The following N4BP2 variants were observed in gnomAD, a reference collection of about 807,000 sequenced individuals.
N4BP2 encodes the protein NEDD4-binding protein 2.
In N4BP2, 91 loss-of-function variants were observed where a neutral mutation model predicts 152.8. The observed-to-expected ratio is 0.60, with a 90% confidence interval of 0.50 to 0.71. The LOEUF is 0.71. N4BP2 is among the 30% of genes least tolerant of loss of function. The pLI is 0.00. For synonymous variants in N4BP2, 646 were observed against 705.3 expected (o/e 0.92, Z 1.33); for missense variants, 1,923 against 2,059.1 (o/e 0.93, Z 1.28).
chr4:40,093,068 G>A (rs980159789), intron 2 of N4BP2, among the ~76,000 whole-genome samples: 4 of 150,366 alleles, frequency 2.7e-5, no homozygotes, highest in Admixed American at 6.6e-5. Context: ...CTCAGTCTCC[G>A]GAGCAGCTAG....
intron 13 of N4BP2, among the ~76,000 whole-genome samples, chr4:40,134,887 CCCTT>C (rs1282183760): frequency 1.6e-4 from 19 of 119,788 alleles, no homozygotes; most frequent in Middle Eastern, 4.1e-3. Flanking sequence ...CTTCCTTCCT[CCCTT>C]CCTTCCTTCC....
At chr4:40,137,845 T>TG (rs1029740796) in intron 14 of N4BP2, among the ~76,000 whole-genome samples, 1 of 152,198 alleles carries the variant, frequency 6.6e-6, no homozygotes, top group Non-Finnish European at 1.5e-5. Context: ...CAGCAGGCTC[T>TG]GGGGCATAGG....
At chr4:40,131,224 C>G (rs188727498) in intron 12 of N4BP2, among the ~76,000 whole-genome samples, 262 of 152,278 alleles carry the variant, frequency 1.7e-3, no homozygotes, top group African/African-American at 5.9e-3. Context: ...AAAAGCTGTA[C>G]TTCTGAGCAA....
intron 2 of N4BP2, among the ~76,000 whole-genome samples, chr4:40,075,363 C>T (rs542807018): frequency 6.6e-6 from 1 of 152,242 alleles, no homozygotes; most frequent in South Asian, 2.1e-4. Flanking sequence ...AACAACATGT[C>T]TCAGAGGTCT....
Position 40,102,937 on chromosome 4 carries a change from T to G in N4BP2, c.1092T>G (p.Asn364Lys), listed in dbSNP as rs1715842727. ...LPPPPPPPMW[N>K]PMIPAFDLFQ... ...CTCCGCCACCTCCACCGATGTGGAATCCAATGATTCCTGCTTTTGACCTCT... is the reference window on the plus strand; with the variant it reads ...CTCCGCCACCTCCACCGATGTGGAAGCCAATGATTCCTGCTTTTGACCTCT... The change falls in exon 4 of 18, where the codon AAT becomes AAG. Residue 364 changes from asparagine to lysine, a missense_variant. Asn to Lys is a moderately conservative substitution (Grantham distance 94, BLOSUM62 0). Transcript: ENST00000261435. The G allele has an allele frequency of 6.2e-7, 1 of 1,614,106 alleles. No individual in the cohort carries two copies. The highest frequency in any genetic ancestry group is 1.3e-5 in the African/African-American group (1 of 74,924).
chr4:40,082,065 T>C (rs1215683116), intron 2 of N4BP2, among the ~76,000 whole-genome samples: 1 of 152,080 alleles, frequency 6.6e-6, no homozygotes, highest in African/African-American at 2.4e-5. Flanking sequence ...TGAGCCAAGG[T>C]TGCGCCATTG....
intron 2 of N4BP2, among the ~76,000 whole-genome samples, chr4:40,091,486 C>G (rs1007003301): frequency 6.6e-6 from 1 of 151,010 alleles, no homozygotes; most frequent in Non-Finnish European, 1.5e-5. Context: ...TCATTATTTT[C>G]TGCATTGATT....
At chr4:40,185,629 G>A in the N4BP2 span, among the ~76,000 whole-genome samples, 2 of 151,962 alleles carry the variant, frequency 1.3e-5, no homozygotes, top group Non-Finnish European at 2.9e-5. Context: ...CATTTTAATA[G>A]AAATTTTACT....
chr4:40,153,562 A>G (rs1055150036), intron 17 of N4BP2, among the ~76,000 whole-genome samples: 9 of 152,186 alleles, frequency 5.9e-5, no homozygotes, highest in African/African-American at 1.9e-4. Context: ...CTGTTGATGG[A>G]TAGATTTCCT....
At chr4:40,060,545 G>A (rs926957712) in intron 1 of N4BP2, among the ~76,000 whole-genome samples, 8 of 151,538 alleles carry the variant, frequency 5.3e-5, no homozygotes, top group South Asian at 2.1e-4. Flanking sequence ...GTGCCCGGCC[G>A]CACATACTTT....
At chr4:40,088,303 G>A (rs995491688) in intron 2 of N4BP2, among the ~76,000 whole-genome samples, 1 of 152,076 alleles carries the variant, frequency 6.6e-6, no homozygotes, top group Non-Finnish European at 1.5e-5. Context: ...ATGCCCAGAA[G>A]TGCAATTGCT....
rs189660051 is a variant in N4BP2, at chr4:40,107,160, C to T, written c.1498+136C>T. The T allele has an allele frequency of 1.7e-4, 139 of 821,898 alleles. No homozygotes were observed. The Middle Eastern group carries it at 1.9e-3, about 11-fold the overall frequency. The allele number at this position is 821,898 out of a possible 1,614,324, so 50.9% of individuals were successfully genotyped here. A position where few individuals can be genotyped will look rare whatever the true frequency, so the allele number is the denominator to read the frequency against. On this transcript the variant is annotated intron_variant, in intron 5 of 17. Transcript: ENST00000261435. ...TGTTGCACAGGCTAGAGTGCAGTGG[C>T]ATGATCTTGGCTCACTGCAGCCTTG...
chr4:40,092,116 A>G (rs1188846411), intron 2 of N4BP2, among the ~76,000 whole-genome samples: 1 of 129,058 alleles, frequency 7.7e-6, no homozygotes, highest in East Asian at 2.6e-4. Context: ...ATTGGTCTGT[A>G]GTTTTTTTGT....
intron 1 of N4BP2, among the ~76,000 whole-genome samples, chr4:40,071,850 G>A (rs1712219347): frequency 6.6e-6 from 1 of 152,106 alleles, no homozygotes; most frequent in South Asian, 2.1e-4. Context: ...ATAGGTGTGA[G>A]CCACTGCCCC....
chr4:40,068,716 T>C (rs1560568807), intron 1 of N4BP2, among the ~76,000 whole-genome samples: 1 of 152,160 alleles, frequency 6.6e-6, no homozygotes, highest in Non-Finnish European at 1.5e-5. Context: ...TTACTGTAGC[T>C]CTGTAATGTA....
At chr4:40,124,280 A>G in intron 11 of N4BP2, 75 bp downstream of exon 11, 1 of 1,066,488 alleles carries the variant, frequency 9.4e-7, no homozygotes, top group Non-Finnish European at 1.4e-6. Context: ...AACTCATTCT[A>G]AATTACTTCC....
rs1428760222 is a variant in N4BP2 at position 40,058,549 on chromosome 4, G to A, written c.-212+1519G>A. Among the ~76,000 whole-genome samples the A allele has an allele frequency of 3.9e-5, 6 of 152,154 alleles. No individual in the cohort carries two copies. The East Asian group carries it at 1.2e-3, about 29-fold the overall frequency. ...AAAGACTAACCTGTAAAACAATAAAGAATAAAGCAGTTGAAATCAGCACGC... is the reference window on the plus strand; with the variant it reads ...AAAGACTAACCTGTAAAACAATAAAAAATAAAGCAGTTGAAATCAGCACGC... On this transcript the variant is annotated intron_variant, in intron 1 of 17. Coordinates refer to ENST00000261435, the MANE Select transcript of N4BP2 (RefSeq NM_018177.6).
intron 2 of N4BP2, among the ~76,000 whole-genome samples, chr4:40,077,026 T>C (rs1712813167): frequency 6.6e-6 from 1 of 152,122 alleles, no homozygotes; most frequent in Admixed American, 6.6e-5. Flanking sequence ...TAGAGAGATT[T>C]TTTTTGTTTG....
chr4:40,133,492 C>T (rs1424456564), intron 13 of N4BP2, among the ~76,000 whole-genome samples: 3 of 152,030 alleles, frequency 2.0e-5, no homozygotes, highest in Non-Finnish European at 2.9e-5. Flanking sequence ...CACACCACTA[C>T]GCCTGGCTAA....
Sources: gnomAD v4.1 joint callset for allele counts (sites outside exome capture counted in the v4.1 genomes callset) on GRCh38, gnomAD v4.1.1 for gene constraint, MANE v1.5 for transcripts, NCBI Gene and HGNC (gene_info 2026-07-23, HGNC 2026-07-21) for gene names.